The following ZNF592 variants were observed in gnomAD, a reference collection of about 807,000 sequenced individuals.
ZNF592 encodes zinc finger protein 592.
In ZNF592, 11 loss-of-function variants were observed where a neutral mutation model predicts 80.3. That is an observed-to-expected ratio of 0.14 (90% CI 0.09 to 0.23). The LOEUF is 0.23. Among genes scored for constraint, ZNF592 ranks in the 10% least tolerant of loss-of-function variants. The pLI, the probability that ZNF592 is intolerant of heterozygous loss-of-function variation, is 1.00. For synonymous variants in ZNF592, 646 were observed against 640.3 expected (o/e 1.01, Z -0.13); for missense variants, 1,420 against 1,633.9 (o/e 0.87, Z 2.26).
intron 2 of ZNF592, among the ~76,000 whole-genome samples, chr15:84,777,245 G>C (rs1962281167): frequency 2.0e-5 from 3 of 152,132 alleles, no homozygotes; most frequent in Middle Eastern, 6.8e-3. Context: ...GGGAGGCTGA[G>C]GTGGGTGGAT....
intron 1 of ZNF592, among the ~76,000 whole-genome samples, chr15:84,763,926 C>G (rs1019406823): frequency 1.3e-5 from 2 of 152,186 alleles, no homozygotes; most frequent in African/African-American, 2.4e-5. Context: ...TTAGTAGCTT[C>G]CAAAGTTCTC....
chr15:84,800,472 T>C (rs1431733204), intron 10 of ZNF592, among the ~76,000 whole-genome samples: 2 of 152,136 alleles, frequency 1.3e-5, no homozygotes, highest in Non-Finnish European at 1.5e-5. Flanking sequence ...TCTGGTGAAC[T>C]TTGGAGCAGC....
Position 84,803,434 on chromosome 15 carries a change from C to T in ZNF592, c.*1041C>T, listed in dbSNP as rs1048976933. 1 of 152,610 alleles carries T rather than the reference C, an allele frequency of 6.6e-6. No homozygotes were observed. The highest frequency in any genetic ancestry group is 2.4e-5 in the African/African-American group (1 of 41,430). 9.5% of individuals were successfully genotyped at this position (152,610 alleles called of 1,614,324 possible). On this transcript the variant is annotated 3_prime_UTR_variant, in exon 11 of 11. Coordinates refer to ENST00000560079, the MANE Select transcript of ZNF592 (RefSeq NM_014630.3). ...TCCTACTGTCTAAGGAAGGCCTTCT[C>T]TAGATTCTGGAGCTTGTGGTTAGGA...
chr15:84,757,978 T>A (rs561107920), intron 1 of ZNF592, among the ~76,000 whole-genome samples: 53 of 145,830 alleles, frequency 3.6e-4, no homozygotes, highest in African/African-American at 1.3e-3. Context: ...CCTTTTTTTT[T>A]TTCTTTTTTT....
intron 10 of ZNF592, among the ~76,000 whole-genome samples, chr15:84,800,438 C>T (rs1405093941): frequency 6.6e-6 from 1 of 152,158 alleles, no homozygotes. Flanking sequence ...TGACCTCATC[C>T]CTGTTCCATG....
intron 2 of ZNF592, among the ~76,000 whole-genome samples, chr15:84,768,196 C>G (rs1000526805): frequency 2.2e-5 from 3 of 135,986 alleles, no homozygotes; most frequent in African/African-American, 5.1e-5. Flanking sequence ...CCAGTATCTT[C>G]TTATCTTCTT....
At position 84,799,887 on chromosome 15, in the gene ZNF592, G is replaced by A. The variant is rs780356897; in HGVS notation, c.3183G>A (p.Leu1061=). The A allele has an allele frequency of 6.2e-7, 1 of 1,614,172 alleles. No homozygotes were observed. The highest frequency in any genetic ancestry group is 1.7e-5 in the Admixed American group (1 of 60,022). The change falls in exon 10 of 11, where the codon CTG becomes CTA. Residue 1061 remains leucine (L), a synonymous_variant. Coordinates refer to ENST00000560079, the MANE Select transcript of ZNF592 (RefSeq NM_014630.3). The surrounding 1 kb of genome is among the most constrained non-coding windows in gnomAD (Gnocchi z 4.2). The part of the protein sequence containing the change: ...DSPSFPRPSL[L]ESHISLMHGI... The stretch of plus-strand genomic sequence containing the variant: ...CCAGCTTTCCTCGGCCCTCCCTTCT[G>A]GAGAGCCACATCAGCCTTATGCATG...
chr15:84,795,257 AAT>A (rs1962864547), intron 5 of ZNF592, among the ~76,000 whole-genome samples: 1 of 152,188 alleles, frequency 6.6e-6, no homozygotes. Flanking sequence ...ATTAAAGTTA[AAT>A]ATGTTGTTTA....
intron 2 of ZNF592, among the ~76,000 whole-genome samples, chr15:84,768,772 C>T (rs1366207377): frequency 6.6e-6 from 1 of 152,198 alleles, no homozygotes; most frequent in African/African-American, 2.4e-5. Context: ...CCCCTTCCCA[C>T]TGGCGAGGTC....
intron 2 of ZNF592, among the ~76,000 whole-genome samples, chr15:84,775,755 A>G (rs750819032): frequency 6.6e-6 from 1 of 152,102 alleles, no homozygotes; most frequent in Non-Finnish European, 1.5e-5. Context: ...TATACCCTCA[A>G]ATAATTCCAA....
chr15:84,768,775 G>A (rs1899611746), intron 2 of ZNF592, among the ~76,000 whole-genome samples: 1 of 152,114 alleles, frequency 6.6e-6, no homozygotes, highest in Non-Finnish European at 1.5e-5. Context: ...CTTCCCACTG[G>A]CGAGGTCCCA....
At chr15:84,755,587 C>T (rs964439047) in intron 1 of ZNF592, among the ~76,000 whole-genome samples, 2 of 152,142 alleles carry the variant, frequency 1.3e-5, no homozygotes, top group African/African-American at 4.8e-5. Context: ...TAAGATCTTA[C>T]CTCTGAGTGG....
In ZNF592 at chr15:84,799,014, C is replaced by G. The variant is rs1310761578; in HGVS notation, c.3025-84C>G. 83 of 1,593,216 alleles carry G rather than the reference C, an allele frequency of 5.2e-5. No individual in the cohort carries two copies. The East Asian group carries it at 1.9e-3, about 36-fold the overall frequency. On this transcript the variant is annotated intron_variant, in intron 8 of 10. Coordinates refer to ENST00000560079, the MANE Select transcript of ZNF592 (RefSeq NM_014630.3). This position sits in a 1 kb window ranked among gnomAD's most constrained non-coding sequence, Gnocchi z 4.2. ...GAGGTCTTCGGGAGTATCCTCCTTTCTGCCCATGGCATCTGAGAAGAAAAA... is the reference window on the plus strand; with the variant it reads ...GAGGTCTTCGGGAGTATCCTCCTTTGTGCCCATGGCATCTGAGAAGAAAAA...
chr15:84,759,994 C>A (rs1899302534), intron 1 of ZNF592, among the ~76,000 whole-genome samples: 1 of 131,116 alleles, frequency 7.6e-6, no homozygotes. Flanking sequence ...GTAATATGTG[C>A]TTAGTTTAGA....
In ZNF592 at chr15:84,783,323, G is replaced by A; in HGVS notation, c.648G>A (p.Gln216=). 6.2e-7 allele frequency: 1 copy of A among 1,614,242 alleles called. No homozygotes were observed. Among genetic ancestry groups the A allele is most frequent in the African/African-American group, 1.3e-5 (1 of 75,060 alleles). ...KPEPLPLGSQ[Q]EHEQSGQNTV... is the part of the protein sequence containing the mutation. ...AACCCCTGCCCTTGGGGAGCCAGCA[G>A]GAACACGAGCAAAGTGGGCAGAACA... Residue 216 remains glutamine (Q), a synonymous_variant, in exon 4 of 11, where the codon CAG becomes CAA. Coordinates refer to ENST00000560079, the MANE Select transcript of ZNF592 (RefSeq NM_014630.3). This position sits in a 1 kb window ranked among gnomAD's most constrained non-coding sequence, Gnocchi z 5.0.
chr15:84,767,007 T>C (rs1242408075), intron 2 of ZNF592, among the ~76,000 whole-genome samples: 1 of 152,012 alleles, frequency 6.6e-6, no homozygotes, highest in Admixed American at 6.6e-5. Flanking sequence ...TTCTTTTTGT[T>C]TTTCCGAGAT....
intron 2 of ZNF592, among the ~76,000 whole-genome samples, chr15:84,775,407 GTGT>G (rs60816926): frequency 0.2 from 29,982 of 150,518 alleles, 3,765 homozygotes; most frequent in Middle Eastern, 0.37. Flanking sequence ...ATCATACTGG[GTGT>G]TGTTGTTGTT....
At chr15:84,768,742 A>G (rs1168834273) in intron 2 of ZNF592, among the ~76,000 whole-genome samples, 1 of 152,184 alleles carries the variant, frequency 6.6e-6, no homozygotes, top group East Asian at 1.9e-4. Context: ...GGATTCATAG[A>G]CAAGGGTACT....
At chr15:84,771,204 A>G (rs1196062018) in intron 2 of ZNF592, among the ~76,000 whole-genome samples, 2 of 152,164 alleles carry the variant, frequency 1.3e-5, no homozygotes, top group African/African-American at 2.4e-5. Flanking sequence ...GAGAAAACGA[A>G]TGATTCCAGC....
Sources: allele counts gnomAD v4.1 joint callset (sites outside exome capture counted in the v4.1 genomes callset), GRCh38; gene constraint gnomAD v4.1.1; non-coding constraint Gnocchi (gnomAD v3.1); transcripts MANE v1.5; gene names NCBI Gene and HGNC (gene_info 2026-07-23, HGNC 2026-07-21).